The following THEMIS variants were observed in gnomAD, a reference collection of about 807,000 sequenced individuals.
THEMIS encodes thymocyte selection associated.
In THEMIS, 37 loss-of-function variants were observed where a neutral mutation model predicts 52.6. The observed-to-expected ratio is 0.70, with a 90% CI of 0.54 to 0.93. The LOEUF (loss-of-function observed/expected upper bound fraction) is 0.93. THEMIS is among the 40% of genes least tolerant of loss of function. The probability of loss-of-function intolerance (pLI) is 0.00; values close to 1 mark genes in which losing one functional copy is unlikely to be tolerated. For missense variants in THEMIS, 808 were observed against 763.1 expected, an observed-to-expected ratio of 1.06 and a Z score of -0.69; for synonymous variants, 292 against 272.7, an observed-to-expected ratio of 1.07 and a Z score of -0.70.
chr6:127,729,911 A>G (rs890962510), intron 4 of THEMIS, among the ~76,000 whole-genome samples: 6 of 152,152 alleles, frequency 3.9e-5, no homozygotes, highest in African/African-American at 1.4e-4. Context: ...ATATCTACCA[A>G]TTTTGCAAAG....
At chr6:127,781,225 G>T (rs1055852341) in intron 4 of THEMIS, among the ~76,000 whole-genome samples, 1 of 151,608 alleles carries the variant, frequency 6.6e-6, no homozygotes, top group Admixed American at 6.6e-5. Context: ...TTCTTGTGCC[G>T]TGTTTTTCAG....
intron 2 of THEMIS, among the ~76,000 whole-genome samples, chr6:127,853,961 C>G (rs951675975): frequency 6.6e-6 from 1 of 151,614 alleles, no homozygotes; most frequent in Non-Finnish European, 1.5e-5. Flanking sequence ...TCAAGCCCCA[C>G]AAAGAACACA....
chr6:127,834,462 T>C (rs1014286646), intron 2 of THEMIS, among the ~76,000 whole-genome samples: 18 of 149,216 alleles, frequency 1.2e-4, no homozygotes, highest in Non-Finnish European at 4.4e-5. Flanking sequence ...TGCGTGCCTG[T>C]AGTCCCAGCT....
At chr6:127,820,503 G>T (rs1453551528) in intron 3 of THEMIS, among the ~76,000 whole-genome samples, 2 of 152,130 alleles carry the variant, frequency 1.3e-5, no homozygotes, top group Non-Finnish European at 2.9e-5. Context: ...CTATGGAAAT[G>T]AATTGACACT....
intron 4 of THEMIS, among the ~76,000 whole-genome samples, chr6:127,736,072 G>C (rs1774995050): frequency 6.6e-6 from 1 of 152,164 alleles, no homozygotes; most frequent in Admixed American, 6.6e-5. Flanking sequence ...TTTGTGCTTG[G>C]TGAATTGTAG....
chr6:127,826,513 G>A (rs986889280), intron 3 of THEMIS, among the ~76,000 whole-genome samples: 1 of 152,050 alleles, frequency 6.6e-6, no homozygotes. Flanking sequence ...CCAAATTTGA[G>A]AGGCATTGAG....
intron 4 of THEMIS, among the ~76,000 whole-genome samples, chr6:127,775,595 T>C (rs866523236): frequency 1.3e-5 from 2 of 152,104 alleles, no homozygotes; most frequent in Middle Eastern, 3.2e-3. Context: ...TTTGACCTCA[T>C]TCCCTGAATT....
intron 1 of THEMIS, among the ~76,000 whole-genome samples, chr6:127,872,888 C>T: frequency 6.6e-6 from 1 of 151,952 alleles, no homozygotes. Flanking sequence ...CACAGAAAAT[C>T]CAAAGGAATC....
intron 5 of THEMIS, among the ~76,000 whole-genome samples, chr6:127,715,655 C>A (rs1306439880): frequency 6.6e-6 from 1 of 151,896 alleles, no homozygotes; most frequent in African/African-American, 2.4e-5. Flanking sequence ...TATTCTCTAG[C>A]TTCCACCTTG....
chr6:127,829,787 C>T lies in THEMIS; in HGVS notation c.398G>A (p.Gly133Asp), dbSNP rs572006460. ...AACTGAGTTGAGCATGATTTGCTCA[C>T]CCTGCTTTATGATGAGGTTCTCTAG... ...IKLENLIIKQ[G>D]EQIMLNSVEE... The change falls in exon 3 of 6, where the codon GGT (glycine) becomes GAT (aspartate). Residue 133 changes from glycine to aspartate, a missense_variant. Coordinates refer to ENST00000368248, the MANE Select transcript of THEMIS (RefSeq NM_001010923.3). The T allele has an allele frequency of 8.7e-6, 14 of 1,614,086 alleles. No individual in the cohort carries two copies. The South Asian group carries it at 1.4e-4, about 16-fold the overall frequency.
intron 4 of THEMIS, among the ~76,000 whole-genome samples, chr6:127,794,011 A>T (rs953536763): frequency 6.6e-6 from 1 of 152,230 alleles, no homozygotes; most frequent in Non-Finnish European, 1.5e-5. Context: ...CTAAAAGAAG[A>T]TCATTCTGTT....
intron 4 of THEMIS, among the ~76,000 whole-genome samples, chr6:127,792,091 G>A (rs1314609155): frequency 6.6e-6 from 1 of 152,108 alleles, no homozygotes; most frequent in Non-Finnish European, 1.5e-5. Context: ...ACCTGTTCCC[G>A]GCTCCCACCA....
intron 2 of THEMIS, among the ~76,000 whole-genome samples, chr6:127,848,514 T>C (rs1025189579): frequency 4.6e-5 from 7 of 152,038 alleles, no homozygotes; most frequent in African/African-American, 7.2e-5. Context: ...TCTTCCACAA[T>C]GGTTGAACTA....
At chr6:127,840,402 T>G (rs1445251745) in intron 2 of THEMIS, among the ~76,000 whole-genome samples, 1 of 152,132 alleles carries the variant, frequency 6.6e-6, no homozygotes, top group African/African-American at 2.4e-5. Flanking sequence ...TTTCCCATTA[T>G]GCTAAAACAT....
At chr6:127,698,216 C>G in the THEMIS span, among the ~76,000 whole-genome samples, 2 of 151,994 alleles carry the variant, frequency 1.3e-5, no homozygotes, top group African/African-American at 4.8e-5. Flanking sequence ...ATAGGCAAAA[C>G]CTTTTAAAAT....
intron 4 of THEMIS, among the ~76,000 whole-genome samples, chr6:127,723,629 T>C (rs1398813678): frequency 6.6e-6 from 1 of 151,980 alleles, no homozygotes; most frequent in East Asian, 1.9e-4. Flanking sequence ...AATTCTAATG[T>C]CCTTTCAGGT....
chr6:127,844,003 C>T (rs571011644), intron 2 of THEMIS, among the ~76,000 whole-genome samples: 5 of 152,110 alleles, frequency 3.3e-5, no homozygotes, highest in East Asian at 1.9e-4. Flanking sequence ...AAAGCACTCC[C>T]GATTCCTCAA....
chr6:127,815,230 TA>T (rs35075664), intron 3 of THEMIS, among the ~76,000 whole-genome samples: 5,600 of 152,288 alleles, frequency 0.037, 129 homozygotes, highest in Middle Eastern at 0.058. Flanking sequence ...ATTTTCTTGA[TA>T]ATTTACTAAC....
At chr6:127,736,296 T>C (rs1338755724) in intron 4 of THEMIS, among the ~76,000 whole-genome samples, 1 of 152,196 alleles carries the variant, frequency 6.6e-6, no homozygotes, top group African/African-American at 2.4e-5. Flanking sequence ...AAATATTTAA[T>C]ATGAAGTATA....
Sources: gnomAD v4.1 joint callset for allele counts (sites outside exome capture counted in the v4.1 genomes callset) on GRCh38, gnomAD v4.1.1 for gene constraint, MANE v1.5 for transcripts, NCBI Gene and HGNC (gene_info 2026-07-23, HGNC 2026-07-21) for gene names.